CIROZ: variants seen among roughly 807,000 people sequenced by gnomAD.
CIROZ encodes ciliated left-right organizer ZP-N domains-containing protein.
chr1:10,973,266 G>A, the CIROZ span, among the ~76,000 whole-genome samples: 7 of 152,182 alleles, frequency 4.6e-5, no homozygotes, highest in South Asian at 2.1e-4. Flanking sequence ...CCAGCTACTC[G>A]GGAAGCTGAG....
At chr1:10,953,365 CTGGTGGTTT>C in the CIROZ span, among the ~76,000 whole-genome samples, 1 of 152,208 alleles carries the variant, frequency 6.6e-6, no homozygotes, top group Non-Finnish European at 1.5e-5. Context: ...GATTTTGCTC[CTGGTGGTTT>C]TGCATGTGTG....
At chr1:10,951,818 T>C in the CIROZ span, among the ~76,000 whole-genome samples, 1 of 150,426 alleles carries the variant, frequency 6.6e-6, no homozygotes, top group Non-Finnish European at 1.5e-5. Context: ...AAACCATCTC[T>C]TAGATTTCTG....
At chr1:10,977,644 C>T in the CIROZ span, among the ~76,000 whole-genome samples, 1 of 152,126 alleles carries the variant, frequency 6.6e-6, no homozygotes, top group Non-Finnish European at 1.5e-5. Context: ...CTGGCTTCTT[C>T]CACAGTGGGG....
the CIROZ span, chr1:10,955,320 A>G: frequency 1.8e-4 from 130 of 742,550 alleles, 1 homozygote; most frequent in East Asian, 1.0e-3. Context: ...AGTGACAGCA[A>G]GTTACTTGGT....
the CIROZ span, among the ~76,000 whole-genome samples, chr1:10,962,948 C>T: frequency 7.9e-3 from 1,205 of 152,204 alleles, 12 homozygotes; most frequent in African/African-American, 0.027. Flanking sequence ...AGTGAGACGC[C>T]GTCTCTACAA....
At chr1:10,965,341 A>G in the CIROZ span, among the ~76,000 whole-genome samples, 1 of 152,140 alleles carries the variant, frequency 6.6e-6, no homozygotes, top group African/African-American at 2.4e-5. Flanking sequence ...GGAAAGGGGA[A>G]GTGGAGGTGA....
the CIROZ span, among the ~76,000 whole-genome samples, chr1:10,953,801 C>T: frequency 6.6e-6 from 1 of 152,204 alleles, no homozygotes; most frequent in Admixed American, 6.5e-5. Context: ...GACTCCAGGG[C>T]CAGGAACCAC....
At chr1:10,979,014 G>A in the CIROZ span, among the ~76,000 whole-genome samples, 1 of 151,970 alleles carries the variant, frequency 6.6e-6, no homozygotes, top group Non-Finnish European at 1.5e-5. Context: ...TTTTGAGACT[G>A]AGTATCTCAC....
chr1:10,975,486 G>T, the CIROZ span, among the ~76,000 whole-genome samples: 1 of 151,118 alleles, frequency 6.6e-6, no homozygotes, highest in African/African-American at 2.4e-5. Flanking sequence ...CCACTCAGGA[G>T]GCTGAGGCTG....
the CIROZ span, among the ~76,000 whole-genome samples, chr1:10,972,964 A>AT: frequency 6.6e-6 from 1 of 151,528 alleles, no homozygotes; most frequent in African/African-American, 2.4e-5. Flanking sequence ...AAAAAAAAAA[A>AT]GAGTGTCTGT....
chr1:10,958,318 C>A, the CIROZ span, among the ~76,000 whole-genome samples: 1 of 152,220 alleles, frequency 6.6e-6, no homozygotes. Flanking sequence ...CTGCGGGAAA[C>A]ACTCAAAGGA....
chr1:10,960,335 C>T, the CIROZ span, among the ~76,000 whole-genome samples: 55 of 152,152 alleles, frequency 3.6e-4, no homozygotes, highest in African/African-American at 1.1e-3. The surrounding 1 kb of genome is among the most constrained non-coding windows in gnomAD (Gnocchi z 4.6). Flanking sequence ...ACCTGGGAGG[C>T]GGAAGTTGCA....
the CIROZ span, among the ~76,000 whole-genome samples, chr1:10,963,895 TC>T: frequency 6.6e-6 from 1 of 151,810 alleles, no homozygotes; most frequent in East Asian, 1.9e-4. Context: ...AGAGCTTTAA[TC>T]CCCCCTCCCC....
At chr1:10,962,945 C>T in the CIROZ span, among the ~76,000 whole-genome samples, 8 of 152,270 alleles carry the variant, frequency 5.3e-5, no homozygotes, top group African/African-American at 1.2e-4. Context: ...CACAGTGAGA[C>T]GCCGTCTCTA....
At chr1:10,970,145 G>A in the CIROZ span, 1 of 1,410,570 alleles carries the variant, frequency 7.1e-7, no homozygotes, top group Non-Finnish European at 9.4e-7. Flanking sequence ...AGGAAGGAAG[G>A]AAGGAAGGAA....
At chr1:10,964,221 C>T in the CIROZ span, 3 of 1,614,098 alleles carry the variant, frequency 1.9e-6, no homozygotes, top group South Asian at 1.1e-5. Flanking sequence ...TCCGCTCCAA[C>T]CCCATCACCC....
At chr1:10,948,480 T>TCCTGTTCAGGCCTCACAGTTCCTAGA in the CIROZ span, 1 of 1,613,900 alleles carries the variant, frequency 6.2e-7, no homozygotes, top group Non-Finnish European at 8.5e-7. Context: ...CTTGGCGGGG[T>TCCTGTTCAGGCCTCACAGTTCCTAGA]CCTGTTCAGG....
the CIROZ span, chr1:10,949,913 G>T: frequency 8.7e-7 from 1 of 1,151,476 alleles, no homozygotes; most frequent in Non-Finnish European, 1.2e-6. Flanking sequence ...TTCCACAGGT[G>T]GGGAACGGAA....
the CIROZ span, chr1:10,956,988 G>A: frequency 6.6e-7 from 1 of 1,520,804 alleles, no homozygotes; most frequent in East Asian, 2.5e-5. Context: ...GATGAAGTTG[G>A]AAAGGTGGAC....
Sources: gnomAD v4.1 joint callset for allele counts (sites outside exome capture counted in the v4.1 genomes callset) on GRCh38, gnomAD v4.1.1 for gene constraint, Gnocchi (gnomAD v3.1) non-coding constraint, MANE v1.5 for transcripts, NCBI Gene and HGNC (gene_info 2026-07-23, HGNC 2026-07-21) for gene names.